FRY: variants seen among roughly 807,000 people sequenced by gnomAD.
FRY encodes FRY microtubule binding protein.
FRY carries 128 observed loss-of-function variants against 348.4 expected under a neutral mutation model. The ratio of observed to expected loss-of-function variants is 0.37; its 90% confidence interval spans 0.32 to 0.43. The LOEUF (loss-of-function observed/expected upper bound fraction) is 0.43. Among genes scored for constraint, FRY ranks in the 20% least tolerant of loss-of-function variants. The pLI is 1.00. For synonymous variants in FRY, 1,370 were observed against 1,374.7 expected, an observed-to-expected ratio of 1.00 and a Z score of 0.08; for missense variants, 2,736 against 3,695.2, an observed-to-expected ratio of 0.74 and a Z score of 6.73.
intron 1 of FRY, among the ~76,000 whole-genome samples, chr13:32,073,251 G>C (rs1412646637): frequency 6.6e-6 from 1 of 152,186 alleles, no homozygotes; most frequent in Non-Finnish European, 1.5e-5. Flanking sequence ...CCCTTCACAG[G>C]CTGGTTAAAA....
chr13:32,046,334 A>G (rs539309085), intron 1 of FRY, among the ~76,000 whole-genome samples: 17 of 152,184 alleles, frequency 1.1e-4, no homozygotes, highest in Non-Finnish European at 2.5e-4. Flanking sequence ...TGACCCACGC[A>G]AGAGACAGAA....
rs374451383 is a variant in FRY, at chr13:32,040,721, A to AACAT, written c.70+8857_70+8858insCATA. Among the ~76,000 whole-genome samples, 741 of 152,278 alleles carry AACAT rather than the reference A, an allele frequency of 4.9e-3. 5 individuals are homozygous for AACAT. Among genetic ancestry groups the AACAT allele is most frequent in the Non-Finnish European group, 8.1e-3 (548 of 68,024 alleles). On this transcript the variant is annotated intron_variant, in intron 1 of 60. Transcript: ENST00000542859. Reference sequence around the variant, plus strand: ...TCTGAACAGGATTGTCTCCAATATGAAGTGCCAGTATTCTTGGTCTGGACA... The same window carrying AACAT: ...TCTGAACAGGATTGTCTCCAATATGAACATAGTGCCAGTATTCTTGGTCTGGACA...
chr13:32,228,687 C>T (rs1250945116), intron 40 of FRY, 33 bp downstream of exon 40: 1 of 1,596,682 alleles, frequency 6.3e-7, no homozygotes, highest in Non-Finnish European at 8.6e-7. Flanking sequence ...CTGCTGTTTG[C>T]AGGTTGGTCT....
chr13:32,207,162 T>A (rs1028406237), intron 31 of FRY, among the ~76,000 whole-genome samples: 2 of 152,230 alleles, frequency 1.3e-5, no homozygotes, highest in Non-Finnish European at 2.9e-5. Context: ...CATAAGTCTT[T>A]GCTCCGAAAA....
At position 32,121,369 on chromosome 13, in the gene FRY, C is replaced by A. The variant is rs185888691; in HGVS notation, c.465-2917C>A. On this transcript the variant is annotated intron_variant, in intron 4 of 60. Coordinates refer to ENST00000542859, the MANE Select transcript of FRY (RefSeq NM_023037.3). ...CACACTGTTTTCCATAGCAGCTATA[C>A]TAGTTTATATTCCCACCAGCATTGC... Among the ~76,000 whole-genome samples the A allele has an allele frequency of 5.9e-5, 9 of 152,244 alleles. No individual in the cohort carries two copies. In the East Asian group the frequency reaches 1.7e-3, roughly 29 times the overall value.
intron 58 of FRY, among the ~76,000 whole-genome samples, chr13:32,284,432 A>G (rs1888953197): frequency 6.6e-6 from 1 of 152,256 alleles, no homozygotes; most frequent in South Asian, 2.1e-4. Context: ...CATCCTTCAG[A>G]TATAGTCAAT....
intron 39 of FRY, 131 bp from the exon 40 acceptor site, chr13:32,228,325 C>T: frequency 1.3e-6 from 1 of 788,602 alleles, no homozygotes; most frequent in South Asian, 1.4e-5. Context: ...ATAGCCACAG[C>T]CGAAAGCAAC....
chr13:32,033,383 A>G (rs1001268690), intron 1 of FRY, among the ~76,000 whole-genome samples: 4 of 152,220 alleles, frequency 2.6e-5, no homozygotes, highest in Non-Finnish European at 5.9e-5. Flanking sequence ...GATTATTCCA[A>G]GACCAGACTG....
In FRY at chr13:32,200,617, A is replaced by G. The variant is rs147751897; in HGVS notation, c.3747-1324A>G. ...AAAAAGAGAGAGAAGAAAAAGTTCA[A>G]CTCACCAGGAGTTTTCTACTTACGA... On this transcript the variant is annotated intron_variant, in intron 29 of 60. Coordinates refer to ENST00000542859, the MANE Select transcript of FRY (RefSeq NM_023037.3). 4.6e-3 allele frequency among the ~76,000 whole-genome samples: 699 copies of G among 152,252 alleles called. 9 individuals are homozygous for G. Among genetic ancestry groups the G allele is most frequent in the African/African-American group, 0.016 (669 of 41,534 alleles).
Position 32,194,160 on chromosome 13 carries a change from C to G in FRY, c.3609C>G (p.Cys1203Trp). The G allele has an allele frequency of 1.9e-6, 3 of 1,613,874 alleles. No individual in the cohort carries two copies. The highest frequency in any genetic ancestry group is 2.5e-6 in the Non-Finnish European group (3 of 1,179,796). ...CQDLRVHQLG[C>W]EVVVLLLELN... The stretch of plus-strand genomic sequence containing the variant: ...GTATTCAGGTTCATCAACTTGGCTG[C>G]GAAGTTGTTGTCTTGCTACTGGAAC... The change falls in exon 29 of 61, where the codon TGC (cysteine) becomes TGG (tryptophan). Residue 1203 changes from cysteine (C) to tryptophan (W), a missense_variant. Coordinates refer to ENST00000542859, the MANE Select transcript of FRY (RefSeq NM_023037.3).
At position 32,262,343 on chromosome 13, in the gene FRY, G is replaced by T. The variant is rs755969672; in HGVS notation, c.7647G>T (p.Thr2549=). 3.7e-6 allele frequency: 6 copies of T among 1,613,696 alleles called. No homozygotes were observed. In the Admixed American group the frequency reaches 5.0e-5, roughly 13 times the overall value. ...TGACTCTCTCCCCCTCTGAAGAGAC[G>T]AATCCCATGGAGCTGCTCACCACAG... ...LIMTLSPSEE[T]NPMELLTTAC... Residue 2549 remains threonine, a synonymous_variant, in exon 53 of 61, where the codon ACG becomes ACT. Coordinates refer to ENST00000542859, the MANE Select transcript of FRY (RefSeq NM_023037.3).
chr13:32,290,440 G>A (rs910955353), intron 59 of FRY, among the ~76,000 whole-genome samples: 1 of 152,172 alleles, frequency 6.6e-6, no homozygotes, highest in Non-Finnish European at 1.5e-5. Flanking sequence ...GTGAGTTGGA[G>A]TGAGGGAGGA....
intron 1 of FRY, among the ~76,000 whole-genome samples, chr13:32,051,880 A>G (rs1048401093): frequency 7.9e-5 from 12 of 152,246 alleles, no homozygotes; most frequent in African/African-American, 2.9e-4. Flanking sequence ...TGTGTGATCA[A>G]TCATAACATG....
At chr13:32,083,975 C>G (rs1344953727) in intron 2 of FRY, among the ~76,000 whole-genome samples, 1 of 152,166 alleles carries the variant, frequency 6.6e-6, no homozygotes, top group Non-Finnish European at 1.5e-5. Flanking sequence ...TGCTACCTCA[C>G]TCCCTCCTGT....
Position 32,236,060 on chromosome 13 carries a change from T to C in FRY, c.5716-18T>C, listed in dbSNP as rs1210023331. On this transcript the variant is annotated intron_variant, in intron 42 of 60. Transcript: ENST00000542859. ...TGGTTACAAGCAATACAAAATGCTA[T>C]CTTTGCATGTTTGGCAGGGTTATGT... The C allele has an allele frequency of 6.4e-7, 1 of 1,560,976 alleles. No homozygotes were observed. Among genetic ancestry groups the C allele is most frequent in the Non-Finnish European group, 8.8e-7 (1 of 1,131,598 alleles).
In FRY at chr13:32,237,076, C is replaced by T. The variant is rs578104710; in HGVS notation, c.5811-303C>T. On this transcript the variant is annotated intron_variant, in intron 43 of 60. Transcript: ENST00000542859. This position sits in a 1 kb window ranked among gnomAD's most constrained non-coding sequence, Gnocchi z 6.3. ...TATACCTATCAGGTACATTTTATTT[C>T]ATAATTACTCCTACCCAAATTCAAG... is the stretch of plus-strand genomic sequence containing the variant. Among the ~76,000 whole-genome samples the T allele has an allele frequency of 6.6e-6, 1 of 152,170 alleles. No homozygotes were observed. Among genetic ancestry groups the T allele is most frequent in the East Asian group, 1.9e-4 (1 of 5,170 alleles).
At chr13:32,287,959 G>T in intron 58 of FRY, 1 of 524,926 alleles carries the variant, frequency 1.9e-6, no homozygotes, top group Non-Finnish European at 3.2e-6. Context: ...TACCGTTACT[G>T]TTACATCTCT....
intron 1 of FRY, among the ~76,000 whole-genome samples, chr13:32,057,806 A>T (rs936652682): frequency 6.6e-6 from 1 of 152,100 alleles, no homozygotes; most frequent in African/African-American, 2.4e-5. Context: ...AAAAAATACA[A>T]AAAATTAGCC....
chr13:32,291,908 A>G, intron 59 of FRY: 1 of 419,904 alleles, frequency 2.4e-6, no homozygotes. Context: ...GAATTGCTGC[A>G]GTCTTATGAT....
Sources: gnomAD v4.1 joint callset for allele counts (sites outside exome capture counted in the v4.1 genomes callset) on GRCh38, gnomAD v4.1.1 for gene constraint, Gnocchi (gnomAD v3.1) non-coding constraint, MANE v1.5 for transcripts, NCBI Gene and HGNC (gene_info 2026-07-23, HGNC 2026-07-21) for gene names.